The following SACM1L variants were observed in gnomAD, a reference collection of about 807,000 sequenced individuals.
SACM1L encodes the protein phosphatidylinositol-3-phosphatase SAC1.
A neutral mutation model predicts 89.5 loss-of-function variants in SACM1L; 32 were observed. That is an observed-to-expected ratio of 0.36 (90% CI 0.27 to 0.48). SACM1L has a LOEUF of 0.48. Ranked by LOEUF, SACM1L falls within the 20% of genes least tolerant of loss-of-function variation. The pLI is 0.99. For missense variants in SACM1L, 543 were observed against 708.5 expected (o/e 0.77, Z 2.65); for synonymous variants, 213 against 232.8 (o/e 0.92, Z 0.77).
At chr3:45,689,767 C>G (rs929616256) in intron 1 of SACM1L, 1 of 581,826 alleles carries the variant, frequency 1.7e-6, no homozygotes, top group African/African-American at 1.9e-5. Context: ...CCCACCGAGC[C>G]GGGGTCGGCG....
chr3:45,723,102 C>A, intron 10 of SACM1L, 147 bp downstream of exon 10: 1 of 670,232 alleles, frequency 1.5e-6, no homozygotes. Context: ...ATAGTAAACC[C>A]CTAAACCAAA....
intron 5 of SACM1L, 33 bp downstream of exon 5, chr3:45,709,680 G>T (rs564653518): frequency 6.4e-7 from 1 of 1,572,192 alleles, no homozygotes; most frequent in South Asian, 1.2e-5. Context: ...TTTATTTTTA[G>T]GTTTTTAAAA....
chr3:45,708,702 G>T (rs1485978466), intron 4 of SACM1L, among the ~76,000 whole-genome samples: 1 of 151,974 alleles, frequency 6.6e-6, no homozygotes, highest in Non-Finnish European at 1.5e-5. Context: ...CTTCTCGATT[G>T]TTATTCTTTG....
At chr3:45,704,244 T>C (rs1698335979) in intron 2 of SACM1L, among the ~76,000 whole-genome samples, 1 of 152,192 alleles carries the variant, frequency 6.6e-6, no homozygotes. Flanking sequence ...GTTCTATATT[T>C]ATTTTTTTCT....
chr3:45,704,973 A>G (rs1259382367), intron 2 of SACM1L, among the ~76,000 whole-genome samples, 162 bp from the exon 3 acceptor site: 1 of 152,250 alleles, frequency 6.6e-6, no homozygotes, highest in Non-Finnish European at 1.5e-5. Flanking sequence ...TACATAACTT[A>G]TAGCTCTATC....
intron 3 of SACM1L, among the ~76,000 whole-genome samples, chr3:45,706,408 G>T (rs73058459): frequency 7.2e-5 from 11 of 152,314 alleles, no homozygotes; most frequent in Admixed American, 6.5e-4. Context: ...CAGATCTCAC[G>T]TCCTGATGCT....
chr3:45,714,192 A>G (rs1698589739), intron 7 of SACM1L, 113 bp downstream of exon 7: 1 of 526,222 alleles, frequency 1.9e-6, no homozygotes, highest in South Asian at 5.1e-5. Context: ...TTTCAGAATT[A>G]ATATAAATTG....
intron 7 of SACM1L, among the ~76,000 whole-genome samples, chr3:45,714,307 G>T (rs1559542816): frequency 2.7e-5 from 4 of 150,936 alleles, no homozygotes; most frequent in African/African-American, 7.3e-5. Flanking sequence ...GAGTTCTGGG[G>T]TTGGTTGTTT....
intron 9 of SACM1L, 55 bp from the exon 10 acceptor site, chr3:45,722,814 G>T (rs1428021823): frequency 7.6e-7 from 1 of 1,308,636 alleles, no homozygotes; most frequent in African/African-American, 1.5e-5. Flanking sequence ...AATAAGTAAG[G>T]TGAGAAAAAC....
At chr3:45,705,231 T>A (rs375431976) in intron 3 of SACM1L, 22 bp downstream of exon 3, 7 of 1,486,660 alleles carry the variant, frequency 4.7e-6, no homozygotes, top group Non-Finnish European at 6.6e-6. Context: ...TAAGCTAAGA[T>A]GGGCAAAGAA....
intron 2 of SACM1L, 22 bp from the exon 3 acceptor site, chr3:45,705,113 C>G (rs1698357393): frequency 1.3e-6 from 2 of 1,535,842 alleles, no homozygotes; most frequent in East Asian, 4.6e-5. Flanking sequence ...TGTGATTTTT[C>G]TTTCTTTCCT....
At chr3:45,728,608 A>C (rs950819344) in intron 11 of SACM1L, among the ~76,000 whole-genome samples, 14 of 152,126 alleles carry the variant, frequency 9.2e-5, no homozygotes, top group African/African-American at 3.4e-4. Flanking sequence ...TTCCATCTTT[A>C]TATATTGTGT....
intron 1 of SACM1L, among the ~76,000 whole-genome samples, chr3:45,696,082 C>G (rs1312792612): frequency 6.6e-6 from 1 of 151,046 alleles, no homozygotes; most frequent in Non-Finnish European, 1.5e-5. Flanking sequence ...ACTGCAACCT[C>G]TGCCTCCTGG....
At chr3:45,694,755 G>T (rs1050341028) in intron 1 of SACM1L, among the ~76,000 whole-genome samples, 2 of 152,184 alleles carry the variant, frequency 1.3e-5, no homozygotes, top group Non-Finnish European at 2.9e-5. Context: ...TTAGGGCTGG[G>T]CATACATAGC....
chr3:45,743,060 A>G (rs1286599013), intron 19 of SACM1L: 2 of 149,892 alleles, frequency 1.3e-5, no homozygotes, highest in African/African-American at 2.5e-5. Flanking sequence ...AAAGTTATGT[A>G]TAACTTATGT....
At chr3:45,715,362 G>A (rs1698627242) in intron 7 of SACM1L, among the ~76,000 whole-genome samples, 3 of 152,080 alleles carry the variant, frequency 2.0e-5, no homozygotes, top group African/African-American at 7.2e-5. Context: ...AAGTAATGGA[G>A]GAAACATGTT....
intron 4 of SACM1L, among the ~76,000 whole-genome samples, chr3:45,707,769 A>G (rs543507699): frequency 3.9e-5 from 6 of 152,348 alleles, no homozygotes; most frequent in African/African-American, 1.4e-4. Flanking sequence ...TGCAAAGGAT[A>G]AAATGTCAGA....
chr3:45,740,769 T>A (rs1699296068), intron 19 of SACM1L, among the ~76,000 whole-genome samples: 1 of 152,242 alleles, frequency 6.6e-6, no homozygotes, highest in African/African-American at 2.4e-5. Flanking sequence ...TCTGCTTTTT[T>A]TCACTGAGCA....
intron 12 of SACM1L, 126 bp from the exon 13 acceptor site, chr3:45,731,927 G>T: frequency 1.7e-6 from 1 of 595,344 alleles, no homozygotes; most frequent in African/African-American, 1.9e-5. Context: ...AGTGAAGGAG[G>T]TTCTAGTGTT....
Sources: allele counts gnomAD v4.1 joint callset (sites outside exome capture counted in the v4.1 genomes callset), GRCh38; gene constraint gnomAD v4.1.1; transcripts MANE v1.5; gene names NCBI Gene and HGNC (gene_info 2026-07-23, HGNC 2026-07-21).